Variants in ERC2 observed in about 807,000 individuals in gnomAD.
ERC2 encodes ERC protein 2.
Under a neutral mutation model 114.8 loss-of-function variants are expected in ERC2, and 42 were observed. The observed-to-expected ratio is 0.37, with a 90% CI of 0.29 to 0.47. ERC2 has a LOEUF of 0.47. ERC2 is among the 20% of genes least tolerant of loss of function. The pLI is 0.99. For synonymous variants in ERC2, 454 were observed against 425.5 expected (o/e 1.07, Z -0.82); for missense variants, 939 against 1,150.7 (o/e 0.82, Z 2.66).
At chr3:55,958,347 A>G (rs2068109699) in intron 12 of ERC2, among the ~76,000 whole-genome samples, 1 of 152,196 alleles carries the variant, frequency 6.6e-6, no homozygotes, top group African/African-American at 2.4e-5. Context: ...ATGGGCTCAG[A>G]AGGGAGAAAG....
intron 2 of ERC2, among the ~76,000 whole-genome samples, chr3:56,381,544 C>T (rs1208920166): frequency 6.6e-6 from 1 of 151,882 alleles, no homozygotes; most frequent in African/African-American, 2.4e-5. Flanking sequence ...TTGTAATTTA[C>T]TTTTAAAAAA....
At chr3:56,205,161 T>A (rs1399812540) in intron 3 of ERC2, among the ~76,000 whole-genome samples, 1 of 152,118 alleles carries the variant, frequency 6.6e-6, no homozygotes, top group Non-Finnish European at 1.5e-5. Flanking sequence ...GGCTTTGACA[T>A]CTCCTTCACT....
At chr3:55,547,090 G>A (rs2054809079) in intron 17 of ERC2, among the ~76,000 whole-genome samples, 1 of 152,242 alleles carries the variant, frequency 6.6e-6, no homozygotes, top group African/African-American at 2.4e-5. Flanking sequence ...GCGTATCTCT[G>A]TAGGGGCGTT....
chr3:55,633,864 A>G (rs2059852243), intron 17 of ERC2, among the ~76,000 whole-genome samples: 1 of 152,180 alleles, frequency 6.6e-6, no homozygotes, highest in Admixed American at 6.5e-5. Context: ...ACATCCCTCC[A>G]GTCCCCTTCG....
intron 16 of ERC2, among the ~76,000 whole-genome samples, chr3:55,697,833 G>A (rs865975898): frequency 6.6e-6 from 1 of 151,780 alleles, no homozygotes; most frequent in South Asian, 2.1e-4. Flanking sequence ...GGCCAAAGTG[G>A]GGACTGCAGG....
intron 14 of ERC2, among the ~76,000 whole-genome samples, chr3:55,833,633 T>C (rs1320014853): frequency 2.6e-5 from 4 of 152,232 alleles, no homozygotes; most frequent in Middle Eastern, 3.4e-3. Flanking sequence ...AAGGAACAAC[T>C]GGTACCAACC....
intron 14 of ERC2, among the ~76,000 whole-genome samples, chr3:55,755,241 C>A (rs191001212): frequency 6.6e-6 from 1 of 152,100 alleles, no homozygotes; most frequent in South Asian, 2.1e-4. Flanking sequence ...GTAATTGGTG[C>A]TTTTAGCTGC....
Position 56,099,874 on chromosome 3 carries a change from C to T in ERC2, c.1474-18890G>A, listed in dbSNP as rs58465617. 1.5e-4 allele frequency among the ~76,000 whole-genome samples: 23 copies of T among 152,242 alleles called. No homozygotes were observed. In the East Asian group the frequency reaches 3.9e-3, roughly 26 times the overall value. ...CCTGACCTTGCATCTTGCCTTTCCC[C>T]CTTGCCAGACACATTTGCCTGAAGT... On this transcript the variant is annotated intron_variant, in intron 6 of 17. Coordinates refer to ENST00000288221, the MANE Select transcript of ERC2 (RefSeq NM_015576.3).
intron 6 of ERC2, among the ~76,000 whole-genome samples, chr3:56,111,315 CTT>C (rs2078948824): frequency 6.7e-6 from 1 of 148,238 alleles, no homozygotes; most frequent in Non-Finnish European, 1.5e-5. Flanking sequence ...CTCTCTCCCT[CTT>C]TCTCTCTCTC....
rs139431510 is a variant in ERC2, at chr3:56,368,183, TTTAAAA to T, written c.657+66162_657+66167del. Among the ~76,000 whole-genome samples the T allele has an allele frequency of 7.1e-3, 610 of 85,816 alleles. 4 individuals carry two copies. The highest frequency in any genetic ancestry group is 0.02 in the African/African-American group (589 of 29,476). 56.3% of individuals were successfully genotyped at this position (85,816 alleles called of 152,430 possible). Reference sequence around the variant, plus strand: ...TAAAAGTTGAAATTATTCTTTTTTTTTTAAAAAAAAAAAAAAAGCAAATGTAGACCA... The same window carrying T: ...TAAAAGTTGAAATTATTCTTTTTTTTAAAAAAAAAAAGCAAATGTAGACCA... On this transcript the variant is annotated intron_variant, in intron 2 of 17. Transcript: ENST00000288221.
In ERC2 at chr3:56,128,170, T is replaced by C. The variant is rs542686159; in HGVS notation, c.1473+11339A>G. Among the ~76,000 whole-genome samples the C allele has an allele frequency of 1.1e-4, 17 of 152,352 alleles. No individual in the cohort carries two copies. The East Asian group carries it at 3.3e-3, about 29-fold the overall frequency. ...CTCTCCTATTCATTAGGTACTTCCA[T>C]GCACTTACCCTGTTTATATGCTCAA... On this transcript the variant is annotated intron_variant, in intron 6 of 17. Transcript: ENST00000288221.
chr3:56,392,064 T>TAGC (rs1216615503), intron 2 of ERC2, among the ~76,000 whole-genome samples: 1 of 152,194 alleles, frequency 6.6e-6, no homozygotes, highest in Non-Finnish European at 1.5e-5. Context: ...GTGTAAATAA[T>TAGC]AGCAAAGATG....
chr3:55,565,825 G>A (rs2056331742), intron 17 of ERC2, among the ~76,000 whole-genome samples: 1 of 152,156 alleles, frequency 6.6e-6, no homozygotes, highest in Admixed American at 6.5e-5. Context: ...CTGAACTGCA[G>A]GCTGCCCTGA....
intron 14 of ERC2, among the ~76,000 whole-genome samples, chr3:55,885,634 G>A (rs2063321114): frequency 6.6e-6 from 1 of 152,160 alleles, no homozygotes; most frequent in Admixed American, 6.5e-5. Flanking sequence ...ATGAAGTTAA[G>A]TGGGAAAACA....
chr3:55,984,386 G>A (rs2070412925), intron 12 of ERC2, among the ~76,000 whole-genome samples: 1 of 152,142 alleles, frequency 6.6e-6, no homozygotes, highest in South Asian at 2.1e-4. Flanking sequence ...CTGACAGGAA[G>A]CTTGAGGTGT....
At chr3:56,301,335 C>T (rs2055862591) in intron 2 of ERC2, among the ~76,000 whole-genome samples, 1 of 151,990 alleles carries the variant, frequency 6.6e-6, no homozygotes, top group Non-Finnish European at 1.5e-5. Context: ...TTTTAGTTTT[C>T]ATTTTCTTTT....
chr3:55,891,223 C>T (rs1202465552), intron 13 of ERC2, among the ~76,000 whole-genome samples: 1 of 152,112 alleles, frequency 6.6e-6, no homozygotes, highest in East Asian at 1.9e-4. Context: ...GCATTCAACT[C>T]CAGTGTTACC....
At chr3:56,294,312 T>C (rs916408654) in intron 3 of ERC2, among the ~76,000 whole-genome samples, 1 of 152,250 alleles carries the variant, frequency 6.6e-6, no homozygotes, top group African/African-American at 2.4e-5. Flanking sequence ...GTGTCAGGAA[T>C]CAAGGCACAA....
At chr3:55,881,304 G>A (rs1159133070) in intron 14 of ERC2, among the ~76,000 whole-genome samples, 2 of 152,048 alleles carry the variant, frequency 1.3e-5, no homozygotes, top group Non-Finnish European at 2.9e-5. Flanking sequence ...AAATAATCCA[G>A]TGTATACAAA....
Sources: allele counts gnomAD v4.1 joint callset (sites outside exome capture counted in the v4.1 genomes callset), GRCh38; gene constraint gnomAD v4.1.1; transcripts MANE v1.5; gene names NCBI Gene and HGNC (gene_info 2026-07-23, HGNC 2026-07-21).